The following ADAMTSL1 variants were observed in gnomAD, a reference collection of about 807,000 sequenced individuals.
ADAMTSL1 encodes ADAMTS like 1.
ADAMTSL1 carries 126 observed loss-of-function variants against 201.8 expected under a neutral mutation model. The observed-to-expected ratio is 0.62, with a 90% CI of 0.54 to 0.72. ADAMTSL1 has a LOEUF of 0.72. ADAMTSL1 is among the 30% of genes least tolerant of loss of function. ADAMTSL1 has a pLI of 0.00. For missense variants in ADAMTSL1, 2,679 were observed against 2,277.8 expected (o/e 1.18, Z -3.59); for synonymous variants, 1,121 against 903.4 (o/e 1.24, Z -4.32).
At chr9:18,725,919 T>G (rs1292806721) in intron 15 of ADAMTSL1, among the ~76,000 whole-genome samples, 4 of 152,218 alleles carry the variant, frequency 2.6e-5, no homozygotes, top group Non-Finnish European at 5.9e-5. Flanking sequence ...TTTAATATTA[T>G]GCACTAAAAA....
chr9:18,154,583 T>A (rs1049535452), intron 1 of ADAMTSL1, among the ~76,000 whole-genome samples: 8 of 152,080 alleles, frequency 5.3e-5, no homozygotes. Flanking sequence ...TTATGCTCCC[T>A]TAACAGGAAC....
rs1386826321 is a variant in ADAMTSL1 at position 18,894,774 on chromosome 9, A to T, written c.4851+2178A>T. Among the ~76,000 whole-genome samples the T allele has an allele frequency of 3.3e-5, 5 of 152,212 alleles. No homozygotes were observed. The South Asian group carries it at 1.0e-3, about 32-fold the overall frequency. ...CACTATCAATTTGAAAGTCATTAGT[A>T]TACAAGTGGTGGCTAAGAATCATAG... On this transcript the variant is annotated intron_variant, in intron 26 of 28. Transcript: ENST00000380548.
intron 23 of ADAMTSL1, among the ~76,000 whole-genome samples, chr9:18,834,367 C>A (rs1007912486): frequency 2.6e-5 from 4 of 152,104 alleles, no homozygotes; most frequent in African/African-American, 9.7e-5. Flanking sequence ...TTTCTTGCAG[C>A]AGTGTTTTGC....
intron 1 of ADAMTSL1, among the ~76,000 whole-genome samples, chr9:18,022,302 C>T (rs1038429831): frequency 3.5e-4 from 53 of 152,144 alleles, no homozygotes; most frequent in African/African-American, 1.3e-3. Flanking sequence ...CTCTGGGAGG[C>T]TGCAGCACTC....
intron 1 of ADAMTSL1, among the ~76,000 whole-genome samples, chr9:18,004,993 C>T (rs1819754537): frequency 6.6e-6 from 1 of 152,022 alleles, no homozygotes; most frequent in Admixed American, 6.6e-5. Flanking sequence ...TATATAATGA[C>T]AAGTAAGAGA....
At chr9:18,903,868 T>C (rs1830145918) in intron 26 of ADAMTSL1, among the ~76,000 whole-genome samples, 3 of 151,966 alleles carry the variant, frequency 2.0e-5, no homozygotes. Flanking sequence ...AAAAAAAATG[T>C]ATAAGTGGAC....
chr9:17,970,718 C>T (rs1261089242), intron 1 of ADAMTSL1, among the ~76,000 whole-genome samples: 3 of 151,986 alleles, frequency 2.0e-5, no homozygotes, highest in African/African-American at 7.2e-5. Flanking sequence ...CCCCCTTGAC[C>T]CCTTAAATTG....
intron 2 of ADAMTSL1, among the ~76,000 whole-genome samples, chr9:18,315,867 G>A (rs941577625): frequency 7.2e-5 from 11 of 152,152 alleles, no homozygotes; most frequent in African/African-American, 2.4e-4. Context: ...AGGGCTGCTA[G>A]CATGTTGTCA....
At chr9:18,543,190 A>T (rs146825075) in intron 3 of ADAMTSL1, among the ~76,000 whole-genome samples, 2 of 152,350 alleles carry the variant, frequency 1.3e-5, no homozygotes, top group Admixed American at 6.5e-5. Flanking sequence ...TAAAGCCAAG[A>T]TGAATGTAGG....
intron 2 of ADAMTSL1, among the ~76,000 whole-genome samples, chr9:18,318,902 T>C (rs1412622179): frequency 6.6e-6 from 1 of 152,204 alleles, no homozygotes; most frequent in Non-Finnish European, 1.5e-5. Flanking sequence ...AACTTTATTA[T>C]TGATACTTTA....
At chr9:18,634,710 C>T (rs866504305) in intron 5 of ADAMTSL1, among the ~76,000 whole-genome samples, 31 of 150,992 alleles carry the variant, frequency 2.1e-4, no homozygotes, top group Admixed American at 7.3e-4. Flanking sequence ...TGATGGTGGG[C>T]GCCTATAATC....
intron 1 of ADAMTSL1, among the ~76,000 whole-genome samples, chr9:18,021,181 G>C (rs1357632802): frequency 6.6e-6 from 1 of 152,114 alleles, no homozygotes; most frequent in Non-Finnish European, 1.5e-5. Context: ...TGGGCTCTAG[G>C]TTTGATTAAC....
At chr9:18,635,418 A>G (rs117861952) in intron 5 of ADAMTSL1, among the ~76,000 whole-genome samples, 1 of 152,086 alleles carries the variant, frequency 6.6e-6, no homozygotes, top group Non-Finnish European at 1.5e-5. Context: ...TGCTCACTAC[A>G]TATAGTATTA....
At chr9:18,700,695 A>G (rs59610562) in intron 13 of ADAMTSL1, among the ~76,000 whole-genome samples, 1 of 152,160 alleles carries the variant, frequency 6.6e-6, no homozygotes, top group Non-Finnish European at 1.5e-5. Flanking sequence ...AAGTATGTAA[A>G]TTTTTTGGTC....
At chr9:18,801,715 T>G (rs910572647) in intron 20 of ADAMTSL1, among the ~76,000 whole-genome samples, 21 of 152,210 alleles carry the variant, frequency 1.4e-4, no homozygotes, top group African/African-American at 4.8e-4. Context: ...TTTTTATGGC[T>G]GCATAGTATT....
chr9:18,137,260 AAATT>A (rs1371668662), intron 1 of ADAMTSL1, among the ~76,000 whole-genome samples: 1 of 152,230 alleles, frequency 6.6e-6, no homozygotes. Flanking sequence ...AATAGAAAAT[AAATT>A]AACATAAGTT....
chr9:18,545,945 A>G (rs1351145193), intron 3 of ADAMTSL1, among the ~76,000 whole-genome samples: 2 of 152,186 alleles, frequency 1.3e-5, no homozygotes, highest in African/African-American at 2.4e-5. Flanking sequence ...ATTAACACCA[A>G]GATGTGCTGA....
chr9:17,958,973 T>C (rs1242722205), intron 1 of ADAMTSL1, among the ~76,000 whole-genome samples: 1 of 152,166 alleles, frequency 6.6e-6, no homozygotes, highest in Non-Finnish European at 1.5e-5. Flanking sequence ...TATTTCCAGA[T>C]TTTAGAGGCT....
intron 3 of ADAMTSL1, among the ~76,000 whole-genome samples, chr9:18,540,450 C>CT (rs377436207): frequency 9.2e-5 from 14 of 152,220 alleles, no homozygotes; most frequent in African/African-American, 3.4e-4. Flanking sequence ...GAAATTCTCT[C>CT]TGAGTTGACA....
Sources: allele counts gnomAD v4.1 joint callset (sites outside exome capture counted in the v4.1 genomes callset), GRCh38; gene constraint gnomAD v4.1.1; transcripts MANE v1.5; gene names NCBI Gene and HGNC (gene_info 2026-07-23, HGNC 2026-07-21).